Variants in PIK3CD observed in about 807,000 individuals in gnomAD.
PIK3CD encodes the protein phosphatidylinositol 4,5-bisphosphate 3-kinase catalytic subunit delta isoform.
In PIK3CD, 20 loss-of-function variants were observed where a neutral mutation model predicts 122.9. That is an observed-to-expected ratio of 0.16 (90% CI 0.11 to 0.24). PIK3CD has a LOEUF of 0.24. Ranked by LOEUF, PIK3CD falls within the 10% of genes least tolerant of loss-of-function variation. The pLI is 1.00. For missense variants in PIK3CD, 787 were observed against 1,406.3 expected (o/e 0.56, Z 7.04); for synonymous variants, 596 against 593.4 (o/e 1.00, Z -0.06).
intron 5 of PIK3CD, 79 bp downstream of exon 5, chr1:9,716,157 C>A: frequency 1.7e-6 from 2 of 1,189,788 alleles, no homozygotes; most frequent in Non-Finnish European, 2.4e-6. Flanking sequence ...CCTCAGTCAT[C>A]CGCAAGCCCC....
chr1:9,662,922 C>G (rs1645050008), intron 1 of PIK3CD, among the ~76,000 whole-genome samples: 1 of 152,152 alleles, frequency 6.6e-6, no homozygotes. Context: ...CTCCTGACCT[C>G]AGGTGATCCA....
the PIK3CD span, among the ~76,000 whole-genome samples, chr1:9,637,294 C>G: frequency 2.1e-5 from 3 of 145,302 alleles, no homozygotes; most frequent in Admixed American, 2.1e-4. Context: ...CTATGGGAGG[C>G]TGAGGTGGGA....
the PIK3CD span, among the ~76,000 whole-genome samples, chr1:9,627,686 C>G: frequency 1.3e-5 from 2 of 152,276 alleles, no homozygotes; most frequent in Admixed American, 1.3e-4. Context: ...GGCTGAGGAC[C>G]AGGGGCTGAG....
In PIK3CD at chr1:9,723,163, C is replaced by T. The variant is rs768587227; in HGVS notation, c.2465C>T (p.Thr822Ile). Residue 822 changes from threonine to isoleucine, a missense_variant, in exon 20 of 24, where the codon ACA becomes ATA. Physicochemically the swap from Thr to Ile is moderately conservative, Grantham distance 89. Transcript: ENST00000377346. This position sits in a 1 kb window ranked among gnomAD's most constrained non-coding sequence, Gnocchi z 4.9. ...GGCTGCCTCCCCACCGGGGACCGCA[C>T]AGGCCTCATTGAGGTGGTACTCCGT... The part of the protein sequence containing the change: ...PYGCLPTGDR[T>I]GLIEVVLRSD... The T allele has an allele frequency of 1.1e-5, 18 of 1,613,678 alleles. No homozygotes were observed. Among genetic ancestry groups the T allele is most frequent in the African/African-American group, 1.3e-5 (1 of 74,932 alleles).
intron 2 of PIK3CD, among the ~76,000 whole-genome samples, chr1:9,709,831 A>G (rs1646979420): frequency 6.6e-6 from 1 of 151,976 alleles, no homozygotes; most frequent in Admixed American, 6.6e-5. Context: ...ACATGGTGAA[A>G]CCCTCTCTCT....
chr1:9,676,352 G>A (rs781505618), intron 1 of PIK3CD, among the ~76,000 whole-genome samples: 11 of 152,220 alleles, frequency 7.2e-5, no homozygotes, highest in South Asian at 2.1e-4. Context: ...GTAAGCCACC[G>A]TGCCCAGCCT....
Position 9,715,638 on chromosome 1 carries a change from A to G in PIK3CD, c.239A>G (p.Gln80Arg). 1 of 1,613,784 alleles carries G rather than the reference A, an allele frequency of 6.2e-7. No homozygotes were observed. Among genetic ancestry groups the G allele is most frequent in the Non-Finnish European group, 8.5e-7 (1 of 1,180,028 alleles). ...FTCINQTAEQ[Q>R]ELEDEQRRLC... is the part of the protein sequence containing the mutation. ...TGCATCAACCAGACAGCGGAGCAGC[A>G]AGAGCTGGAGGACGAGCAACGGCGT... The change falls in exon 4 of 24, where the codon CAA (glutamine) becomes CGA (arginine). Residue 80 changes from glutamine to arginine, a missense_variant. Gln to Arg is a conservative substitution (Grantham distance 43, BLOSUM62 1). Coordinates refer to ENST00000377346, the MANE Select transcript of PIK3CD (RefSeq NM_005026.5). The surrounding 1 kb of genome is among the most constrained non-coding windows in gnomAD (Gnocchi z 4.1).
rs1043833651 is a variant in PIK3CD, at chr1:9,724,194, G to C, written c.2719-82G>C. 6.2e-7 allele frequency: 1 copy of C among 1,612,658 alleles called. No individual in the cohort carries two copies. The highest frequency in any genetic ancestry group is 8.5e-7 in the Non-Finnish European group (1 of 1,179,454). On this transcript the variant is annotated intron_variant, in intron 21 of 23. Coordinates refer to ENST00000377346, the MANE Select transcript of PIK3CD (RefSeq NM_005026.5). The surrounding 1 kb of genome is among the most constrained non-coding windows in gnomAD (Gnocchi z 7.3). ...ACAGCTCTGTGGCAGGGGTCCCCCA[G>C]CCCTGCTGGCTTCCTGTCTCCCCTG...
At chr1:9,663,349 T>G (rs1446250940) in intron 1 of PIK3CD, among the ~76,000 whole-genome samples, 1 of 152,136 alleles carries the variant, frequency 6.6e-6, no homozygotes, top group Non-Finnish European at 1.5e-5. Context: ...CTTCCTGGCA[T>G]TATGTGCCCG....
At chr1:9,656,819 T>C (rs1041164576) in intron 1 of PIK3CD, among the ~76,000 whole-genome samples, 1 of 151,982 alleles carries the variant, frequency 6.6e-6, no homozygotes, top group African/African-American at 2.4e-5. Flanking sequence ...GGCACGTGCC[T>C]GTAGTCCCAG....
At chr1:9,644,859 G>GA in the PIK3CD span, among the ~76,000 whole-genome samples, 1 of 151,992 alleles carries the variant, frequency 6.6e-6, no homozygotes. Context: ...TACTGATTGG[G>GA]AAATACTTTG....
intron 1 of PIK3CD, among the ~76,000 whole-genome samples, chr1:9,674,642 A>G (rs1216302904): frequency 1.3e-5 from 2 of 149,648 alleles, no homozygotes; most frequent in Admixed American, 6.8e-5. Context: ...GTGAGCTAAG[A>G]TCATGCCACT....
In PIK3CD at chr1:9,676,477, T is replaced by G. The variant is rs968250719; in HGVS notation, c.-137-14990T>G. Among the ~76,000 whole-genome samples the G allele has an allele frequency of 3.3e-5, 5 of 152,230 alleles. No homozygotes were observed. In the East Asian group the frequency reaches 9.6e-4, roughly 29 times the overall value. On this transcript the variant is annotated intron_variant, in intron 1 of 23. Coordinates refer to ENST00000377346, the MANE Select transcript of PIK3CD (RefSeq NM_005026.5). ...CTCTGGTGCCTGGCCCTTCCCCAGT[T>G]GGCCTGGGGTGGTGCCCATTCTCCC...
chr1:9,636,039 T>C, the PIK3CD span, among the ~76,000 whole-genome samples: 2 of 152,260 alleles, frequency 1.3e-5, no homozygotes, highest in Non-Finnish European at 2.9e-5. Flanking sequence ...TTTATGTATT[T>C]TTATTACACT....
At chr1:9,692,696 C>CTCCA (rs1224235581) in intron 2 of PIK3CD, among the ~76,000 whole-genome samples, 1 of 152,186 alleles carries the variant, frequency 6.6e-6, no homozygotes, top group Non-Finnish European at 1.5e-5. Context: ...CACCACTGCA[C>CTCCA]TCCAGCCTGG....
rs1274576028 is a variant in PIK3CD, at chr1:9,710,342, C to T, written c.-32-82C>T. On this transcript the variant is annotated intron_variant, in intron 2 of 23. Transcript: ENST00000377346. This position sits in a 1 kb window ranked among gnomAD's most constrained non-coding sequence, Gnocchi z 4.7. ...CTGAGCTTCCTGCTGTCCAAGGACC[C>T]CACTGTTTTCCAGGGAGTCCCTTCC... is the stretch of plus-strand genomic sequence containing the variant. 8.8e-7 allele frequency: 1 copy of T among 1,136,760 alleles called. No individual in the cohort carries two copies. The highest frequency in any genetic ancestry group is 2.3e-5 in the East Asian group (1 of 42,644). 70.4% of individuals were successfully genotyped at this position (1,136,760 alleles called of 1,614,324 possible).
Position 9,722,751 on chromosome 1 carries a change from C to A in PIK3CD, c.2426+145C>A. On this transcript the variant is annotated intron_variant, in intron 19 of 23. Transcript: ENST00000377346. This position sits in a 1 kb window ranked among gnomAD's most constrained non-coding sequence, Gnocchi z 7.6. ...AGGAAGACCCGGAGGCGGTTTAACT[C>A]TAGGCCAGGAGGCGGCGGGCAGCAG... The A allele has an allele frequency of 1.3e-6, 1 of 757,804 alleles. No homozygotes were observed. The highest frequency in any genetic ancestry group is 2.3e-6 in the Non-Finnish European group (1 of 433,818). 46.9% of individuals were successfully genotyped at this position (757,804 alleles called of 1,614,324 possible). A position where few individuals can be genotyped will look rare whatever the true frequency, so the allele number is the denominator to read the frequency against.
Position 9,704,857 on chromosome 1 carries a change from A to G in PIK3CD, c.-32-5567A>G. On this transcript the variant is annotated intron_variant, in intron 2 of 23. Transcript: ENST00000377346. This position sits in a 1 kb window ranked among gnomAD's most constrained non-coding sequence, Gnocchi z 5.0. ...ACAAAAGGAAGACTTTGGCTTGGCC[A>G]TTCTCAGCAAGAGGAACCCAAAGTA... Among the ~76,000 whole-genome samples, 1 of 152,196 alleles carries G rather than the reference A, an allele frequency of 6.6e-6. No individual in the cohort carries two copies. Among genetic ancestry groups the G allele is most frequent in the East Asian group, 1.9e-4 (1 of 5,184 alleles).
chr1:9,699,663 C>G (rs1646554493), intron 2 of PIK3CD, among the ~76,000 whole-genome samples: 1 of 151,842 alleles, frequency 6.6e-6, no homozygotes, highest in Non-Finnish European at 1.5e-5. Context: ...ATGGTGCAAT[C>G]TTGGCTCACT....
Sources: allele counts gnomAD v4.1 joint callset (sites outside exome capture counted in the v4.1 genomes callset), GRCh38; gene constraint gnomAD v4.1.1; non-coding constraint Gnocchi (gnomAD v3.1); transcripts MANE v1.5; gene names NCBI Gene and HGNC (gene_info 2026-07-23, HGNC 2026-07-21).